Variants in ATP11C observed in about 807,000 individuals in gnomAD.
ATP11C encodes ATPase phospholipid transporting 11C (ATP11C blood group).
In ATP11C, 36 loss-of-function variants were observed where a neutral mutation model predicts 97.4. The ratio of observed to expected loss-of-function variants is 0.37; its 90% confidence interval spans 0.28 to 0.49. The LOEUF (loss-of-function observed/expected upper bound fraction) is 0.49. Among genes scored for constraint, ATP11C ranks in the 20% least tolerant of loss-of-function variants. The pLI, the probability that ATP11C is intolerant of heterozygous loss-of-function variation, is 0.98. For synonymous variants in ATP11C, 275 were observed against 290.9 expected, an observed-to-expected ratio of 0.95 and a Z score of 0.56; for missense variants, 730 against 824.6, an observed-to-expected ratio of 0.89 and a Z score of 1.40.
intron 3 of ATP11C, among the ~76,000 whole-genome samples, chrX:139,817,708 G>C (rs1254504357): frequency 8.9e-6 from 1 of 112,262 alleles, no homozygotes; most frequent in Non-Finnish European, 1.9e-5. Flanking sequence ...TAATCTAGGT[G>C]AAAGATGATG....
chrX:139,758,411 C>A (rs1002806524), intron 22 of ATP11C, among the ~76,000 whole-genome samples: 1 of 111,917 alleles, frequency 8.9e-6, no homozygotes, highest in African/African-American at 3.2e-5. Context: ...GAGTCAACTT[C>A]TTTTTCCTAA....
chrX:139,741,351 G>A (rs2081551401), intron 26 of ATP11C, among the ~76,000 whole-genome samples: 1 of 110,388 alleles, frequency 9.1e-6, no homozygotes, highest in African/African-American at 3.3e-5. Context: ...TAGGTGTAGG[G>A]CTGCAGATAT....
At chrX:139,765,428 T>C (rs1425152088) in intron 20 of ATP11C, among the ~76,000 whole-genome samples, 2 of 111,654 alleles carry the variant, frequency 1.8e-5, no homozygotes, top group Admixed American at 9.5e-5. Context: ...TAACAAAATG[T>C]AGCATCTGTG....
chrX:139,875,303 A>T (rs2148029333), intron 1 of ATP11C, among the ~76,000 whole-genome samples: 1 of 109,211 alleles, frequency 9.2e-6, no homozygotes. Context: ...TGAGACTAAT[A>T]ACACCAATTT....
At chrX:139,777,471 T>TA (rs1212502138) in intron 18 of ATP11C, among the ~76,000 whole-genome samples, 116 of 100,717 alleles carry the variant, frequency 1.2e-3, no homozygotes, top group South Asian at 1.7e-3. Context: ...TCCAGTCAGA[T>TA]AAAAAAAAAA....
At chrX:139,933,597 C>T (rs1289021414), upstream of ATP11C, among the ~76,000 whole-genome samples, 2 of 112,328 alleles carry the variant, frequency 1.8e-5, no homozygotes, top group Non-Finnish European at 3.8e-5. Context: ...CTTGCAGATT[C>T]TTCTATAAAA....
rs138577315 is a variant in ATP11C, at chrX:139,903,918, A to C, written c.27+28098T>G. ...TTTATTATGCCTCACCATCACCTGG[A>C]GGGTTTGTTAGAATACAGATTGCCA... is the stretch of plus-strand genomic sequence containing the variant. On this transcript the variant is annotated intron_variant, in intron 1 of 29. Transcript: ENST00000682941. Among the ~76,000 whole-genome samples the C allele has an allele frequency of 3.6e-4, 40 of 111,198 alleles. 1 individual carries two copies. The East Asian group carries it at 1.0e-2, about 28-fold the overall frequency.
At chrX:139,793,619 A>G (rs927559782) in intron 12 of ATP11C, among the ~76,000 whole-genome samples, 1 of 111,434 alleles carries the variant, frequency 9.0e-6, no homozygotes, top group Non-Finnish European at 1.9e-5. Flanking sequence ...TGACCTTAGG[A>G]AAATCTCTTT....
intron 1 of ATP11C, chrX:139,832,192 T>C: frequency 2.5e-6 from 3 of 1,207,396 alleles, no homozygotes; most frequent in Non-Finnish European, 3.4e-6. Flanking sequence ...ATCTGCATAC[T>C]GACATGCAGA....
chrX:139,847,291 G>C (rs896753303), intron 1 of ATP11C, among the ~76,000 whole-genome samples: 5 of 111,095 alleles, frequency 4.5e-5, no homozygotes, highest in Non-Finnish European at 9.4e-5. Flanking sequence ...ATTGAGGCAG[G>C]AGGATCAGTT....
chrX:139,930,370 A>G lies in ATP11C; in HGVS notation c.27+1646T>C, dbSNP rs1009955133. Among the ~76,000 whole-genome samples the G allele has an allele frequency of 4.5e-5, 5 of 111,167 alleles. No individual in the cohort carries two copies. The South Asian group carries it at 1.9e-3, about 42-fold the overall frequency. ...TTCAAATGTTCAAATCCTTAAAAAA[A>G]AAAAAAAAGGATTTCAACAACTTAA... On this transcript the variant is annotated intron_variant, in intron 1 of 29. Transcript: ENST00000682941.
chrX:139,808,512 T>G (rs1258042030), intron 5 of ATP11C, among the ~76,000 whole-genome samples: 1 of 111,027 alleles, frequency 9.0e-6, no homozygotes, highest in Admixed American at 9.6e-5. Context: ...AGAACAAGAA[T>G]AGAAATGAAA....
At chrX:139,801,930 G>T (rs55837612) in intron 7 of ATP11C, among the ~76,000 whole-genome samples, 2,864 of 111,457 alleles carry the variant, frequency 0.026, 99 homozygotes, top group African/African-American at 0.088. Flanking sequence ...TAATTAACTG[G>T]TTACTGCATC....
At chrX:139,921,813 G>A (rs189376446) in intron 1 of ATP11C, among the ~76,000 whole-genome samples, 3 of 111,210 alleles carry the variant, frequency 2.7e-5, no homozygotes, top group Non-Finnish European at 5.7e-5. Flanking sequence ...AATTTAAGCA[G>A]GGTAACTAAG....
intron 27 of ATP11C, 106 bp from the exon 28 acceptor site, chrX:139,738,175 A>G (rs2081483913): frequency 1.8e-6 from 1 of 560,377 alleles, no homozygotes; most frequent in Non-Finnish European, 2.5e-6. Context: ...TCTTCCTTAC[A>G]TACATTAATA....
At chrX:139,807,230 C>A (rs1217549111) in intron 5 of ATP11C, among the ~76,000 whole-genome samples, 1 of 110,946 alleles carries the variant, frequency 9.0e-6, no homozygotes, top group Non-Finnish European at 1.9e-5. Context: ...CTCTGGGACT[C>A]GGGAATATAG....
chrX:139,893,986 GAT>G (rs2084769644), intron 1 of ATP11C, among the ~76,000 whole-genome samples: 1 of 109,858 alleles, frequency 9.1e-6, no homozygotes, highest in Non-Finnish European at 1.9e-5. Flanking sequence ...ACAGACCATC[GAT>G]ACTTGATACG....
intron 1 of ATP11C, among the ~76,000 whole-genome samples, chrX:139,911,282 T>C (rs776097188): frequency 1.8e-5 from 2 of 111,443 alleles, no homozygotes; most frequent in African/African-American, 3.3e-5. Context: ...AAAGTTAGTA[T>C]GAGAAAGATA....
rs1202090689 is a variant in ATP11C, at chrX:139,866,360, A to C, written c.28-39537T>G. The stretch of plus-strand genomic sequence containing the variant: ...CTCTGTCTCAAAAAAAAAAAAAAAA[A>C]AAAAAAACAGAAAAGACTGAGACAC... On this transcript the variant is annotated intron_variant, in intron 1 of 29. Transcript: ENST00000682941. 5.9e-5 allele frequency among the ~76,000 whole-genome samples: 6 copies of C among 102,414 alleles called. No homozygotes were observed. In the East Asian group the frequency reaches 9.2e-4, roughly 16 times the overall value. 88.9% of individuals were successfully genotyped at this position (102,414 alleles called of 115,157 possible).
Sources: gnomAD v4.1 joint callset for allele counts (sites outside exome capture counted in the v4.1 genomes callset) on GRCh38, gnomAD v4.1.1 for gene constraint, MANE v1.5 for transcripts, NCBI Gene and HGNC (gene_info 2026-07-23, HGNC 2026-07-21) for gene names.